UNC5C: variants seen among roughly 807,000 people sequenced by gnomAD.
UNC5C encodes unc-5 netrin receptor C, also known as netrin receptor UNC5C.
UNC5C carries 47 observed loss-of-function variants against 99.8 expected under a neutral mutation model. That is an observed-to-expected ratio of 0.47 (90% CI 0.37 to 0.60). UNC5C has a LOEUF of 0.60. Among genes scored for constraint, UNC5C ranks in the 20% least tolerant of loss-of-function variants. The probability of loss-of-function intolerance (pLI) is 0.00; values close to 1 mark genes in which losing one functional copy is unlikely to be tolerated. For synonymous variants in UNC5C, 487 were observed against 452.2 expected, an observed-to-expected ratio of 1.08 and a Z score of -0.98; for missense variants, 1,062 against 1,165.9, an observed-to-expected ratio of 0.91 and a Z score of 1.30.
chr4:95,461,498 C>A (rs2149471141), intron 1 of UNC5C, among the ~76,000 whole-genome samples: 1 of 151,976 alleles, frequency 6.6e-6, no homozygotes, highest in Non-Finnish European at 1.5e-5. Context: ...ACAAGAGAAT[C>A]AAGTATTTAC....
chr4:95,465,046 T>C (rs985832617), intron 1 of UNC5C, among the ~76,000 whole-genome samples: 2 of 152,150 alleles, frequency 1.3e-5, no homozygotes, highest in African/African-American at 4.8e-5. Context: ...CCAGTGATGG[T>C]GAGAACCGTG....
At chr4:95,545,287 G>C (rs1034716502) in intron 1 of UNC5C, among the ~76,000 whole-genome samples, 2 of 152,134 alleles carry the variant, frequency 1.3e-5, no homozygotes, top group Admixed American at 1.3e-4. Context: ...TGTTTGAAAA[G>C]TTTATTCTTT....
At chr4:95,548,605 AT>A in intron 1 of UNC5C, 128 bp downstream of exon 1, 1 of 1,070,260 alleles carries the variant, frequency 9.3e-7, no homozygotes, top group South Asian at 2.4e-5. Flanking sequence ...GGAAAGTGGA[AT>A]TTAGAGTGGT....
chr4:95,369,462 G>C (rs1450045930), intron 1 of UNC5C, among the ~76,000 whole-genome samples: 1 of 151,910 alleles, frequency 6.6e-6, no homozygotes, highest in African/African-American at 2.4e-5. Flanking sequence ...TGAGGTGGGA[G>C]GATGGCTTGA....
intron 1 of UNC5C, among the ~76,000 whole-genome samples, chr4:95,464,002 C>T (rs572938438): frequency 6.6e-6 from 1 of 152,274 alleles, no homozygotes; most frequent in South Asian, 2.1e-4. Flanking sequence ...CCAGTCTTCT[C>T]AGGAAGTGCA....
chr4:95,416,561 A>G (rs949933600), intron 1 of UNC5C, among the ~76,000 whole-genome samples: 1 of 152,188 alleles, frequency 6.6e-6, no homozygotes, highest in Non-Finnish European at 1.5e-5. Context: ...AATATGTGAA[A>G]GTGAAAAACA....
chr4:95,173,451 G>T (rs1273447704), intron 14 of UNC5C, among the ~76,000 whole-genome samples: 2 of 149,898 alleles, frequency 1.3e-5, no homozygotes, highest in South Asian at 2.1e-4. Flanking sequence ...TCAGCATGAA[G>T]GGTTGTTGAA....
chr4:95,404,863 G>A (rs112693238), intron 1 of UNC5C, among the ~76,000 whole-genome samples: 1 of 152,156 alleles, frequency 6.6e-6, no homozygotes, highest in Non-Finnish European at 1.5e-5. Context: ...GAACAACGTG[G>A]CAGAGAAAGG....
intron 1 of UNC5C, among the ~76,000 whole-genome samples, chr4:95,489,710 T>C (rs1721428336): frequency 6.6e-6 from 1 of 151,700 alleles, no homozygotes; most frequent in Non-Finnish European, 1.5e-5. Context: ...TCTCAGGACA[T>C]GTTGATAACT....
chr4:95,474,889 A>G (rs1243418474), intron 1 of UNC5C, among the ~76,000 whole-genome samples: 1 of 152,028 alleles, frequency 6.6e-6, no homozygotes, highest in Admixed American at 6.6e-5. Context: ...CACTCTTCTG[A>G]CTTCTAACAC....
chr4:95,213,920 T>C lies in UNC5C; in HGVS notation c.1733+2204A>G, dbSNP rs1306048646. 4.6e-5 allele frequency among the ~76,000 whole-genome samples: 7 copies of C among 152,134 alleles called. No homozygotes were observed. The East Asian group carries it at 1.4e-3, about 29-fold the overall frequency. On this transcript the variant is annotated intron_variant, in intron 10 of 15. Transcript: ENST00000453304. ...TGGTGCAATGGAGGAGGATGGCACA[T>C]TAGGAAGCAGAAAGTGCTTTGTGAT...
intron 1 of UNC5C, among the ~76,000 whole-genome samples, chr4:95,474,490 A>G (rs1490151074): frequency 6.6e-6 from 1 of 151,840 alleles, no homozygotes; most frequent in African/African-American, 2.4e-5. Flanking sequence ...GGGTTTCACC[A>G]TATTGTCCAG....
chr4:95,514,494 A>G, intron 1 of UNC5C, among the ~76,000 whole-genome samples: 1 of 151,838 alleles, frequency 6.6e-6, no homozygotes, highest in East Asian at 1.9e-4. Flanking sequence ...ACCAGTTATT[A>G]TATACTTCTA....
At chr4:95,411,306 T>A (rs866393860) in intron 1 of UNC5C, among the ~76,000 whole-genome samples, 49 of 152,098 alleles carry the variant, frequency 3.2e-4, no homozygotes, top group African/African-American at 1.2e-3. Context: ...CCCTCAGATG[T>A]CCACAAAGGA....
At chr4:95,469,713 T>G (rs1412867898) in intron 1 of UNC5C, among the ~76,000 whole-genome samples, 1 of 152,122 alleles carries the variant, frequency 6.6e-6, no homozygotes, top group Non-Finnish European at 1.5e-5. Context: ...TTTTTCTGCT[T>G]CTTGGGAGCA....
chr4:95,274,583 A>G (rs555822245), intron 4 of UNC5C, among the ~76,000 whole-genome samples: 10 of 152,056 alleles, frequency 6.6e-5, no homozygotes, highest in African/African-American at 2.2e-4. Context: ...CTCCTCTGAG[A>G]CTTACTTTGT....
intron 13 of UNC5C, among the ~76,000 whole-genome samples, chr4:95,184,256 A>G (rs17415818): frequency 0.042 from 6,411 of 152,304 alleles, 184 homozygotes; most frequent in Non-Finnish European, 0.067. Context: ...AACTAGACCA[A>G]TGAGAGTGAG....
At chr4:95,221,213 C>G (rs184210042) in intron 7 of UNC5C, among the ~76,000 whole-genome samples, 34 of 152,254 alleles carry the variant, frequency 2.2e-4, no homozygotes, top group Admixed American at 7.2e-4. Context: ...CTGTGATGCA[C>G]AAAAACATGT....
At chr4:95,368,086 G>T (rs574598825) in intron 1 of UNC5C, among the ~76,000 whole-genome samples, 1 of 152,012 alleles carries the variant, frequency 6.6e-6, no homozygotes, top group African/African-American at 2.4e-5. Flanking sequence ...TTAGCATAGC[G>T]TATGAATACC....
Sources: allele counts gnomAD v4.1 joint callset (sites outside exome capture counted in the v4.1 genomes callset), GRCh38; gene constraint gnomAD v4.1.1; transcripts MANE v1.5; gene names NCBI Gene and HGNC (gene_info 2026-07-23, HGNC 2026-07-21).